The following APOL5 variants were observed in gnomAD, a reference collection of about 807,000 sequenced individuals.
APOL5 encodes apolipoprotein L, 5.
Under a neutral mutation model 35.5 loss-of-function variants are expected in APOL5, and 29 were observed. The ratio of observed to expected loss-of-function variants is 0.82; its 90% confidence interval spans 0.61 to 1.11. The LOEUF (loss-of-function observed/expected upper bound fraction) is 1.11. Ranked by LOEUF, APOL5 falls within the 50% of genes most tolerant of loss-of-function variation. The pLI is 0.00. For missense variants in APOL5, 514 were observed against 530.4 expected (o/e 0.97, Z 0.30); for synonymous variants, 188 against 200.2 (o/e 0.94, Z 0.51).
rs747699892 is a variant in APOL5, at chr22:35,728,712, A to T, written c.1127-11A>T. 5.6e-6 allele frequency: 9 copies of T among 1,609,594 alleles called. No homozygotes were observed. The highest frequency in any genetic ancestry group is 1.7e-5 in the Admixed American group (1 of 59,316). ...TGGAAGTTGTAAGACACAGGGACTCATGTTCCACAGGGTCTCGCTCACCTC... is the reference window on the plus strand; with the variant it reads ...TGGAAGTTGTAAGACACAGGGACTCTTGTTCCACAGGGTCTCGCTCACCTC... On this transcript the variant is annotated splice_polypyrimidine_tract_variant and intron_variant, in intron 3 of 4. Transcript: ENST00000249044.
chr22:35,708,607 G>A, the APOL5 span, among the ~76,000 whole-genome samples: 2 of 152,074 alleles, frequency 1.3e-5, no homozygotes, highest in African/African-American at 2.4e-5. Context: ...AACATCGCTT[G>A]GATTAAAAAG....
At position 35,720,639 on chromosome 22, in the gene APOL5, C is replaced by A; in HGVS notation, c.127C>A (p.Pro43Thr). 1 of 1,613,410 alleles carries A rather than the reference C, an allele frequency of 6.2e-7. No individual in the cohort carries two copies. ...CGGAGGTGAGGTCTGGGGGAAGTCC[C>A]CAGAACCTGAGTTCCGTGAGGGCAG... ...IYGGEVWGKS[P>T]EPEFPSLVNL... The change falls in exon 2 of 5, where the codon CCA becomes ACA. Residue 43 changes from proline (P) to threonine (T), a missense_variant. Around this residue, in one of 3 missense-constraint regions of APOL5, gnomAD observed 254 missense variants for 254.7 expected, o/e 1.00. Coordinates refer to ENST00000249044, the MANE Select transcript of APOL5 (RefSeq NM_030642.1).
rs1601893941 is a variant in APOL5, at chr22:35,717,902, G to T, written c.31G>T (p.Val11Phe). Residue 11 changes from valine to phenylalanine, a missense_variant, in exon 1 of 5, where the codon GTT becomes TTT. By Grantham distance (50) the Val-to-Phe change is conservative. Around this residue, in one of 3 missense-constraint regions of APOL5, gnomAD observed 254 missense variants for 254.7 expected, o/e 1.00. Transcript: ENST00000249044. MPCGKQGNLQ[V>F]PGSKVLPGLG... ...ATGTGGCAAACAAGGAAATTTGCAA[G>T]TTCCCGGTTCCAAGGTGTTACCTGG... 1.9e-6 allele frequency: 3 copies of T among 1,591,334 alleles called. No individual in the cohort carries two copies. The African/African-American group carries it at 4.0e-5, about 21-fold the overall frequency.
the APOL5 span, among the ~76,000 whole-genome samples, chr22:35,710,364 A>G: frequency 6.7e-6 from 1 of 148,946 alleles, no homozygotes; most frequent in Non-Finnish European, 1.5e-5. Flanking sequence ...CTGGTCTTGA[A>G]CTTCTGGGCT....
intron 2 of APOL5, among the ~76,000 whole-genome samples, chr22:35,724,697 G>A (rs529276513): frequency 1.3e-5 from 2 of 151,634 alleles, no homozygotes; most frequent in African/African-American, 4.8e-5. Flanking sequence ...CAACCTCCCC[G>A]CCTCCTAGGT....
rs759856437 is a variant in APOL5 at position 35,720,629 on chromosome 22, G to A, written c.117G>A (p.Trp39Ter). ...LRKVIYGGEV[W>*]GKSPEPEFPS... ...AGGTAATCTACGGAGGTGAGGTCTG[G>A]GGGAAGTCCCCAGAACCTGAGTTCC... is the stretch of plus-strand genomic sequence containing the variant. The change falls in exon 2 of 5, where the codon TGG (tryptophan) becomes TGA (stop). Residue 39 changes from tryptophan (W) to a stop codon, truncating the protein, a stop_gained. Transcript: ENST00000249044. LOFTEE classifies it high-confidence loss of function. The A allele has an allele frequency of 3.7e-6, 6 of 1,613,974 alleles. No individual in the cohort carries two copies. The South Asian group carries it at 4.4e-5, about 12-fold the overall frequency.
chr22:35,728,159 C>T (rs1189969402), intron 3 of APOL5, among the ~76,000 whole-genome samples: 1 of 152,194 alleles, frequency 6.6e-6, no homozygotes, highest in Non-Finnish European at 1.5e-5. Flanking sequence ...GGGTGGGTCC[C>T]ACCCCCAGGG....
chr22:35,716,750 TA>T (rs11387924), upstream of APOL5, among the ~76,000 whole-genome samples: 25 of 151,360 alleles, frequency 1.7e-4, no homozygotes, highest in Non-Finnish European at 3.2e-4. Context: ...ATATAGTACT[TA>T]AAAAAAATAA....
At chr22:35,724,696 C>A (rs573336101) in intron 2 of APOL5, among the ~76,000 whole-genome samples, 1 of 152,020 alleles carries the variant, frequency 6.6e-6, no homozygotes, top group Non-Finnish European at 1.5e-5. Flanking sequence ...GCAACCTCCC[C>A]GCCTCCTAGG....
chr22:35,720,534 A>G (rs529889714), intron 1 of APOL5, 34 bp from the exon 2 acceptor site: 2 of 1,605,968 alleles, frequency 1.2e-6, no homozygotes, highest in Non-Finnish European at 1.7e-6. Flanking sequence ...AGATGACTCA[A>G]GAAGAAATGT....
At position 35,728,746 on chromosome 22, in the gene APOL5, C is replaced by A. The variant is rs778576283; in HGVS notation, c.1150C>A (p.Pro384Thr). 37 of 1,613,088 alleles carry A rather than the reference C, an allele frequency of 2.3e-5. No individual in the cohort carries two copies. Among genetic ancestry groups the A allele is most frequent in the Non-Finnish European group, 2.9e-5 (34 of 1,179,544 alleles). The change falls in exon 4 of 5, where the codon CCT becomes ACT. Residue 384 changes from proline (P) to threonine (T), a missense_variant. Pro to Thr is a conservative substitution (Grantham distance 38). Around this residue, in one of 3 missense-constraint regions of APOL5, gnomAD observed 238 missense variants for 229.1 expected, o/e 1.04. Transcript: ENST00000249044. ...PEGSRSPLPWPVVEHQPRLGP... is the reference protein window; with the variant it reads ...PEGSRSPLPWTVVEHQPRLGP... ...AGGGTCTCGCTCACCTCTCCCCTGG[C>A]CTGTTGTGGAGCACCAGCCTAGGCT... is the stretch of plus-strand genomic sequence containing the variant.
upstream of APOL5, among the ~76,000 whole-genome samples, chr22:35,715,369 C>A (rs746316471): frequency 6.6e-6 from 1 of 152,134 alleles, no homozygotes; most frequent in Non-Finnish European, 1.5e-5. Context: ...GTCAGCTGGG[C>A]GTAGTGGCTC....
At chr22:35,717,668 A>C (rs1926799539), upstream of APOL5, among the ~76,000 whole-genome samples, 1 of 146,662 alleles carries the variant, frequency 6.8e-6, no homozygotes, top group Admixed American at 7.0e-5. Flanking sequence ...TGAACCTGGG[A>C]AGTGGAGGTT....
In APOL5 at chr22:35,727,038, G is replaced by C. The variant is rs1372560857; in HGVS notation, c.970G>C (p.Glu324Gln). The C allele has an allele frequency of 6.2e-7, 1 of 1,614,012 alleles. No individual in the cohort carries two copies. Among genetic ancestry groups the C allele is most frequent in the South Asian group, 1.1e-5 (1 of 91,086 alleles). ...GCACCTGGAGGATGGGGCAAGGACG[G>C]AGACAGCAGAGGAACTGAGAGCACT... ...WKHLEDGARTETAEELRALAK... is the reference protein window; with the variant it reads ...WKHLEDGARTQTAEELRALAK... The change falls in exon 3 of 5, where the codon GAG becomes CAG. Residue 324 changes from glutamate (E) to glutamine (Q), a missense_variant. By Grantham distance (29) the Glu-to-Gln change is conservative. Around this residue, in one of 3 missense-constraint regions of APOL5, gnomAD observed 238 missense variants for 229.1 expected, o/e 1.04. Transcript: ENST00000249044.
chr22:35,709,828 AT>A, the APOL5 span, among the ~76,000 whole-genome samples: 1 of 151,780 alleles, frequency 6.6e-6, no homozygotes, highest in East Asian at 1.9e-4. Flanking sequence ...ATGAGCATTG[AT>A]TTTTTTGTAA....
In APOL5 at chr22:35,726,203, G is replaced by A. The variant is rs1478594018; in HGVS notation, c.143-8G>A. On this transcript the variant is annotated splice_polypyrimidine_tract_variant and splice_region_variant and intron_variant, in intron 2 of 4. Coordinates refer to ENST00000249044, the MANE Select transcript of APOL5 (RefSeq NM_030642.1). The stretch of plus-strand genomic sequence containing the variant: ...ATTTTAGTGCTCAGATTGCCTAGAT[G>A]TCTTTAGCCTCACTCGTGAACCTGT... 2.5e-6 allele frequency: 4 copies of A among 1,603,086 alleles called. No homozygotes were observed. The highest frequency in any genetic ancestry group is 2.2e-5 in the East Asian group (1 of 44,566).
the APOL5 span, among the ~76,000 whole-genome samples, chr22:35,712,702 G>A: frequency 2.0e-5 from 3 of 151,904 alleles, no homozygotes; most frequent in South Asian, 2.1e-4. Flanking sequence ...TCTTTTCATG[G>A]ACCAGCTATT....
At chr22:35,716,231 T>A (rs1926739707), upstream of APOL5, among the ~76,000 whole-genome samples, 1 of 152,236 alleles carries the variant, frequency 6.6e-6, no homozygotes, top group South Asian at 2.1e-4. Context: ...TATGATAAAA[T>A]AATGAATAAT....
At chr22:35,727,676 C>G (rs1927218147) in intron 3 of APOL5, among the ~76,000 whole-genome samples, 1 of 152,218 alleles carries the variant, frequency 6.6e-6, no homozygotes, top group Non-Finnish European at 1.5e-5. Flanking sequence ...TTGTGTCCCT[C>G]TTGTCCATAC....
Sources: gnomAD v4.1 joint callset for allele counts (sites outside exome capture counted in the v4.1 genomes callset) on GRCh38, gnomAD v4.1.1 for gene constraint, gnomAD v4.1.1 regional missense constraint, MANE v1.5 for transcripts, NCBI Gene and HGNC (gene_info 2026-07-23, HGNC 2026-07-21) for gene names.